SLC6A6: variants seen among roughly 807,000 people sequenced by gnomAD.
The protein encoded by SLC6A6 is sodium- and chloride-dependent taurine transporter.
A neutral mutation model predicts 68.8 loss-of-function variants in SLC6A6; 16 were observed. That is an observed-to-expected ratio of 0.23 (90% CI 0.16 to 0.35). The LOEUF (loss-of-function observed/expected upper bound fraction) is 0.35. Ranked by LOEUF, SLC6A6 falls within the 10% of genes least tolerant of loss-of-function variation. The pLI is 1.00. For missense variants in SLC6A6, 474 were observed against 802.8 expected (o/e 0.59, Z 4.95); for synonymous variants, 312 against 315.4 (o/e 0.99, Z 0.12).
intron 5 of SLC6A6, among the ~76,000 whole-genome samples, chr3:14,454,542 C>G (rs887955331): frequency 1.3e-5 from 2 of 152,184 alleles, no homozygotes; most frequent in East Asian, 1.9e-4. Context: ...CATGGCTGCC[C>G]GAGATGTCTT....
At chr3:14,409,778 G>C (rs764468175) in intron 1 of SLC6A6, among the ~76,000 whole-genome samples, 1 of 152,194 alleles carries the variant, frequency 6.6e-6, no homozygotes, top group Non-Finnish European at 1.5e-5. Context: ...GTGGAGTGTG[G>C]GGACTTTGGG....
intron 2 of SLC6A6, among the ~76,000 whole-genome samples, chr3:14,441,566 T>G (rs1370770140): frequency 6.6e-6 from 1 of 151,762 alleles, no homozygotes; most frequent in Non-Finnish European, 1.5e-5. Context: ...ACAATTGGGG[T>G]CCCCCACCCC....
intron 9 of SLC6A6, among the ~76,000 whole-genome samples, chr3:14,469,294 G>T (rs1359144655): frequency 1.3e-5 from 2 of 152,070 alleles, no homozygotes. Context: ...CTGGGCTGAG[G>T]CTCCTTCCAA....
chr3:14,487,452 T>C lies in SLC6A6; in HGVS notation c.*2445T>C, dbSNP rs1344649665. 1 of 152,276 alleles carries C rather than the reference T, an allele frequency of 6.6e-6. No homozygotes were observed. Among genetic ancestry groups the C allele is most frequent in the Non-Finnish European group, 1.5e-5 (1 of 68,080 alleles). The allele number at this position is 152,276 out of a possible 1,614,324, so 9.4% of individuals were successfully genotyped here. A position where few individuals can be genotyped will look rare whatever the true frequency, so the allele number is the denominator to read the frequency against. ...CTTCATGTCTCCGTATAAACGAAACTTTCCATGAGAGCTCATGACTCTGGT... is the reference window on the plus strand; with the variant it reads ...CTTCATGTCTCCGTATAAACGAAACCTTCCATGAGAGCTCATGACTCTGGT... On this transcript the variant is annotated 3_prime_UTR_variant, in exon 15 of 15. Transcript: ENST00000622186.
chr3:14,460,878 C>T (rs566279155), intron 6 of SLC6A6, among the ~76,000 whole-genome samples: 1 of 152,218 alleles, frequency 6.6e-6, no homozygotes, highest in East Asian at 1.9e-4. Flanking sequence ...GCTGCCTGCT[C>T]GCTGGCCATG....
At chr3:14,433,839 C>T (rs1197801528) in intron 2 of SLC6A6, among the ~76,000 whole-genome samples, 1 of 148,710 alleles carries the variant, frequency 6.7e-6, no homozygotes, top group Non-Finnish European at 1.5e-5. Flanking sequence ...GTCATAAGTA[C>T]CTGCAGGGAA....
Position 14,485,151 on chromosome 3 carries a change from T to TGTAC in SLC6A6, c.*146_*147insACGT. 1.8e-6 allele frequency: 1 copy of TGTAC among 557,574 alleles called. No homozygotes were observed. The highest frequency in any genetic ancestry group is 2.9e-6 in the Non-Finnish European group (1 of 343,062). The allele number at this position is 557,574 out of a possible 1,614,324, so 34.5% of individuals were successfully genotyped here. A position where few individuals can be genotyped will look rare whatever the true frequency, so the allele number is the denominator to read the frequency against. ...CACAGAAAATGTAATTGTGGGTATG[T>TGTAC]GTGCGTGCGTGTGTGTGTGTGTGTG... is the stretch of plus-strand genomic sequence containing the variant. On this transcript the variant is annotated 3_prime_UTR_variant, in exon 15 of 15. Transcript: ENST00000622186.
At chr3:14,452,540 A>G (rs1256000925) in intron 5 of SLC6A6, among the ~76,000 whole-genome samples, 1 of 152,172 alleles carries the variant, frequency 6.6e-6, no homozygotes, top group Admixed American at 6.5e-5. Flanking sequence ...AGCCCGGGCC[A>G]GGCTTGGGAG....
intron 6 of SLC6A6, among the ~76,000 whole-genome samples, chr3:14,458,461 ATAGG>A (rs1700420211): frequency 6.6e-6 from 1 of 152,224 alleles, no homozygotes; most frequent in East Asian, 1.9e-4. Flanking sequence ...CTTCTAATAA[ATAGG>A]TTAGCTGGTA....
chr3:14,430,211 A>T (rs773980505), intron 2 of SLC6A6, among the ~76,000 whole-genome samples: 38 of 152,134 alleles, frequency 2.5e-4, no homozygotes, highest in Non-Finnish European at 5.1e-4. Context: ...AGAAGTTCAG[A>T]TTATTATCTA....
chr3:14,484,691 G>A (rs576596587), intron 14 of SLC6A6, among the ~76,000 whole-genome samples, 176 bp from the exon 15 acceptor site: 7 of 152,304 alleles, frequency 4.6e-5, no homozygotes, highest in Middle Eastern at 3.4e-3. Flanking sequence ...CCTTAGGAGC[G>A]CCTTAGTTCA....
At chr3:14,417,656 C>T (rs1457639047) in intron 2 of SLC6A6, among the ~76,000 whole-genome samples, 2 of 149,922 alleles carry the variant, frequency 1.3e-5, no homozygotes, top group Non-Finnish European at 2.9e-5. Flanking sequence ...GGCGTGAACC[C>T]GGGGGATGGA....
intron 6 of SLC6A6, among the ~76,000 whole-genome samples, chr3:14,462,096 GC>G (rs1346699096): frequency 2.0e-5 from 3 of 152,202 alleles, no homozygotes; most frequent in Non-Finnish European, 4.4e-5. Flanking sequence ...CCACAGCAAG[GC>G]CTGCTGGGCC....
chr3:14,418,149 A>G (rs545874777), intron 2 of SLC6A6, among the ~76,000 whole-genome samples: 1 of 152,312 alleles, frequency 6.6e-6, no homozygotes, highest in African/African-American at 2.4e-5. Flanking sequence ...GTCTTCCTTT[A>G]GTAAAAAAGA....
chr3:14,411,467 A>G (rs1699251112), intron 1 of SLC6A6: 1 of 152,272 alleles, frequency 6.6e-6, no homozygotes, highest in Non-Finnish European at 1.5e-5. Context: ...CGTAGTAAGC[A>G]CTCAAAAAAG....
chr3:14,434,042 G>C (rs896878029), intron 2 of SLC6A6, among the ~76,000 whole-genome samples: 5 of 152,190 alleles, frequency 3.3e-5, no homozygotes, highest in African/African-American at 1.2e-4. Flanking sequence ...CTGGCTTTCT[G>C]TTTCTTCACT....
intron 5 of SLC6A6, among the ~76,000 whole-genome samples, chr3:14,449,330 T>C (rs1314191800): frequency 1.3e-5 from 2 of 152,202 alleles, no homozygotes; most frequent in East Asian, 3.9e-4. Flanking sequence ...AAAAGGGACA[T>C]TGGAAGCACA....
intron 13 of SLC6A6, among the ~76,000 whole-genome samples, chr3:14,480,640 C>T (rs541153537): frequency 6.6e-6 from 1 of 152,214 alleles, no homozygotes; most frequent in Non-Finnish European, 1.5e-5. Flanking sequence ...TGCCCATCAC[C>T]GACTCTGCTT....
At position 14,479,129 on chromosome 3, in the gene SLC6A6, C is replaced by T. The variant is rs770780822; in HGVS notation, c.1495C>T (p.Arg499Trp). The part of the protein sequence containing the change: ...YDGIEDMIGY[R>W]PGPWMKYSWA... ...TGGTATTGAGGACATGATTGGCTAT[C>T]GGCCCGGGCCCTGGATGAAGTACAG... is the stretch of plus-strand genomic sequence containing the variant. The change falls in exon 13 of 15, where the codon CGG becomes TGG. Residue 499 changes from arginine (R) to tryptophan (W), a missense_variant. Arg to Trp is a moderately radical substitution (Grantham distance 101). This residue lies in a region of SLC6A6 where 194 missense variants were observed against 269.8 expected (regional missense o/e 0.72). Coordinates refer to ENST00000622186, the MANE Select transcript of SLC6A6 (RefSeq NM_003043.6). 13 of 1,613,468 alleles carry T rather than the reference C, an allele frequency of 8.1e-6. No homozygotes were observed. The highest frequency in any genetic ancestry group is 5.0e-5 in the Admixed American group (3 of 59,998).
Sources: gnomAD v4.1 joint callset for allele counts (sites outside exome capture counted in the v4.1 genomes callset) on GRCh38, gnomAD v4.1.1 for gene constraint, gnomAD v4.1.1 regional missense constraint, MANE v1.5 for transcripts, NCBI Gene and HGNC (gene_info 2026-07-23, HGNC 2026-07-21) for gene names.